The following OPCML variants were observed in gnomAD, a reference collection of about 807,000 sequenced individuals.
OPCML encodes opioid-binding protein/cell adhesion molecule.
In OPCML, 13 loss-of-function variants were observed where a neutral mutation model predicts 37.8. The ratio of observed to expected loss-of-function variants is 0.34; its 90% confidence interval spans 0.22 to 0.55. The LOEUF is 0.55. OPCML is among the 20% of genes least tolerant of loss of function. The probability of loss-of-function intolerance (pLI) is 0.91; values close to 1 mark genes in which losing one functional copy is unlikely to be tolerated. For missense variants in OPCML, 341 were observed against 435.6 expected, an observed-to-expected ratio of 0.78 and a Z score of 1.93; for synonymous variants, 176 against 168.8, an observed-to-expected ratio of 1.04 and a Z score of -0.33.
At chr11:133,514,867 G>T (rs1270761671) in intron 1 of OPCML, among the ~76,000 whole-genome samples, 2 of 152,146 alleles carry the variant, frequency 1.3e-5, no homozygotes, top group African/African-American at 4.8e-5. Flanking sequence ...GGAACCATTT[G>T]CCTGGTAAAA....
intron 1 of OPCML, among the ~76,000 whole-genome samples, chr11:132,989,569 C>T (rs1281797865): frequency 6.6e-6 from 1 of 150,520 alleles, no homozygotes; most frequent in East Asian, 2.0e-4. Flanking sequence ...GGACCATGCG[C>T]TGGAGATGCA....
intron 3 of OPCML, among the ~76,000 whole-genome samples, chr11:132,531,996 A>G (rs1244976024): frequency 1.3e-5 from 2 of 152,088 alleles, no homozygotes; most frequent in Non-Finnish European, 2.9e-5. Flanking sequence ...ACAGTCAGTG[A>G]ATGGAGACAG....
chr11:132,712,586 G>A lies in OPCML; in HGVS notation c.147-55267C>T, dbSNP rs1397040091. On this transcript the variant is annotated intron_variant, in intron 2 of 7. Transcript: ENST00000524381. ...CCCAAGAACATGGGATTAAGAAGAC[G>A]CAGTGCCGGCTGTATTGCCAGCTCC... Among the ~76,000 whole-genome samples the A allele has an allele frequency of 6.6e-5, 10 of 152,206 alleles. No homozygotes were observed. The South Asian group carries it at 1.0e-3, about 16-fold the overall frequency.
chr11:133,436,821 C>A (rs1946243113), intron 1 of OPCML, among the ~76,000 whole-genome samples: 1 of 152,154 alleles, frequency 6.6e-6, no homozygotes, highest in African/African-American at 2.4e-5. Flanking sequence ...GTGAAAACCC[C>A]CGCGTAACTG....
At chr11:133,391,237 T>C (rs986568835) in intron 1 of OPCML, among the ~76,000 whole-genome samples, 5 of 152,200 alleles carry the variant, frequency 3.3e-5, no homozygotes, top group African/African-American at 9.7e-5. Flanking sequence ...CCTAGTGAGA[T>C]GTGCCCTTGA....
At chr11:133,413,496 T>TA (rs1457426907) in intron 1 of OPCML, among the ~76,000 whole-genome samples, 1 of 151,198 alleles carries the variant, frequency 6.6e-6, no homozygotes, top group Non-Finnish European at 1.5e-5. Flanking sequence ...AATAAATAAA[T>TA]AAATAAATAT....
intron 1 of OPCML, among the ~76,000 whole-genome samples, chr11:133,249,347 G>C (rs1941051828): frequency 6.6e-6 from 1 of 152,060 alleles, no homozygotes; most frequent in Non-Finnish European, 1.5e-5. Flanking sequence ...ATCAGTTCTG[G>C]TGAGAACTAA....
At chr11:132,808,068 A>G (rs571901637) in intron 2 of OPCML, among the ~76,000 whole-genome samples, 2 of 152,346 alleles carry the variant, frequency 1.3e-5, no homozygotes, top group Non-Finnish European at 2.9e-5. Flanking sequence ...AAATTGCTGT[A>G]TCATATAGCT....
intron 1 of OPCML, among the ~76,000 whole-genome samples, chr11:133,046,877 C>A (rs910836185): frequency 2.0e-5 from 3 of 152,116 alleles, no homozygotes; most frequent in Non-Finnish European, 4.4e-5. Context: ...CCAGTGACAC[C>A]CCTGCTGCCT....
At chr11:132,487,209 T>C (rs996502035) in intron 4 of OPCML, among the ~76,000 whole-genome samples, 4 of 152,340 alleles carry the variant, frequency 2.6e-5, no homozygotes, top group African/African-American at 9.6e-5. Context: ...GAGAGACGGT[T>C]ACTCAGCCCA....
intron 2 of OPCML, among the ~76,000 whole-genome samples, chr11:132,918,433 C>T (rs1163089912): frequency 6.6e-6 from 1 of 152,198 alleles, no homozygotes; most frequent in Non-Finnish European, 1.5e-5. Flanking sequence ...TACTGACTTC[C>T]ATCATCATTA....
intron 1 of OPCML, among the ~76,000 whole-genome samples, chr11:133,068,938 C>T (rs1948481196): frequency 6.6e-6 from 1 of 152,150 alleles, no homozygotes; most frequent in Non-Finnish European, 1.5e-5. Context: ...ACTTAGTTCA[C>T]AGTGAGAGAT....
At chr11:133,041,307 C>T (rs1947891810) in intron 1 of OPCML, among the ~76,000 whole-genome samples, 2 of 152,204 alleles carry the variant, frequency 1.3e-5, no homozygotes, top group Admixed American at 6.5e-5. Flanking sequence ...TTCAATGTAT[C>T]AGTAAATCTT....
At chr11:133,407,622 G>C (rs191146506) in intron 1 of OPCML, among the ~76,000 whole-genome samples, 1 of 152,268 alleles carries the variant, frequency 6.6e-6, no homozygotes, top group East Asian at 1.9e-4. Flanking sequence ...AAACCCACAC[G>C]TGGGTGGCAC....
intron 1 of OPCML, among the ~76,000 whole-genome samples, chr11:133,044,456 G>A (rs1230995292): frequency 2.0e-5 from 3 of 152,130 alleles, no homozygotes; most frequent in East Asian, 1.9e-4. Flanking sequence ...AGGGGAAATC[G>A]GCTAGCCCAG....
chr11:132,423,408 T>C (rs1398735612), intron 7 of OPCML, among the ~76,000 whole-genome samples: 1 of 152,204 alleles, frequency 6.6e-6, no homozygotes, highest in Non-Finnish European at 1.5e-5. Flanking sequence ...ACTTTCCTCA[T>C]ACAGATCCTG....
intron 4 of OPCML, among the ~76,000 whole-genome samples, chr11:132,488,786 T>G (rs1366547681): frequency 6.6e-6 from 1 of 152,214 alleles, no homozygotes; most frequent in Non-Finnish European, 1.5e-5. Flanking sequence ...TATCATGGTT[T>G]TCATTGGGTA....
chr11:132,759,426 G>A (rs948014906), intron 2 of OPCML, among the ~76,000 whole-genome samples: 1 of 152,026 alleles, frequency 6.6e-6, no homozygotes, highest in African/African-American at 2.4e-5. Flanking sequence ...AATCTGTCTG[G>A]TCCTGGGCTT....
intron 2 of OPCML, among the ~76,000 whole-genome samples, chr11:132,910,049 A>G (rs1480642875): frequency 6.6e-6 from 1 of 152,236 alleles, no homozygotes; most frequent in Non-Finnish European, 1.5e-5. Flanking sequence ...AGGGAGAAAG[A>G]GATTTCCATC....
Sources: allele counts gnomAD v4.1 joint callset (sites outside exome capture counted in the v4.1 genomes callset), GRCh38; gene constraint gnomAD v4.1.1; transcripts MANE v1.5; gene names NCBI Gene and HGNC (gene_info 2026-07-23, HGNC 2026-07-21).